The following MRM3 variants were observed in gnomAD, a reference collection of about 807,000 sequenced individuals.
MRM3 encodes the protein rRNA methyltransferase 3, mitochondrial.
A neutral mutation model predicts 29.4 loss-of-function variants in MRM3; 26 were observed. The observed-to-expected ratio is 0.89, with a 90% CI of 0.65 to 1.23. The LOEUF (loss-of-function observed/expected upper bound fraction) is 1.23, where lower values mean the gene tolerates loss of function less well. Among genes scored for constraint, MRM3 ranks in the 50% most tolerant of loss-of-function variants. The probability of loss-of-function intolerance (pLI) is 0.00; values close to 1 mark genes in which losing one functional copy is unlikely to be tolerated. For missense variants in MRM3, 578 were observed against 540.2 expected (o/e 1.07, Z -0.69); for synonymous variants, 225 against 219.0 (o/e 1.03, Z -0.24).
At chr17:783,004 A>G in intron 1 of MRM3, 79 bp from the exon 2 acceptor site, 1 of 1,524,200 alleles carries the variant, frequency 6.6e-7, no homozygotes, top group East Asian at 2.3e-5. Flanking sequence ...GTAGCTCTTT[A>G]TTTCTGTTAC....
In MRM3 at chr17:787,381, A is replaced by G. The variant is rs1319519681; in HGVS notation, c.560-584A>G. ...TAATACAGAGTATGACACGGAATGTAAAACACATTTACATATGGACAGGTG... is the reference window on the plus strand; with the variant it reads ...TAATACAGAGTATGACACGGAATGTGAAACACATTTACATATGGACAGGTG... On this transcript the variant is annotated intron_variant, in intron 2 of 3. Coordinates refer to ENST00000304478, the MANE Select transcript of MRM3 (RefSeq NM_018146.4). This position sits in a 1 kb window ranked among gnomAD's most constrained non-coding sequence, Gnocchi z 4.1. 2.0e-5 allele frequency among the ~76,000 whole-genome samples: 3 copies of G among 152,258 alleles called. No individual in the cohort carries two copies. Among genetic ancestry groups the G allele is most frequent in the Non-Finnish European group, 4.4e-5 (3 of 68,046 alleles).
At chr17:783,381 G>C in intron 2 of MRM3, 54 bp downstream of exon 2, 1 of 1,515,914 alleles carries the variant, frequency 6.6e-7, no homozygotes, top group Non-Finnish European at 8.8e-7. Flanking sequence ...CTGTCACCCA[G>C]GCTGGAGTGC....
At chr17:782,812 C>T in intron 1 of MRM3, 120 bp downstream of exon 1, 7 of 1,076,034 alleles carry the variant, frequency 6.5e-6, no homozygotes, top group Non-Finnish European at 9.1e-6. Flanking sequence ...TTGTATTATG[C>T]ACAGAGGGCC....
At position 782,692 on chromosome 17, in the gene MRM3, GGTGAT is replaced by G; in HGVS notation, c.314+4_314+8del. On this transcript the variant is annotated splice_donor_variant and splice_donor_5th_base_variant and intron_variant, in intron 1 of 3. Coordinates refer to ENST00000304478, the MANE Select transcript of MRM3 (RefSeq NM_018146.4). LOFTEE classifies it high-confidence loss of function. ...GCTTATCCCGGGGACAGGAGGCTGA[GGTGAT>G]GTGGTTCTTGAGCCTGTCGAATGTT... 6.3e-7 allele frequency: 1 copy of G among 1,596,192 alleles called. No homozygotes were observed. Among genetic ancestry groups the G allele is most frequent in the African/African-American group, 1.3e-5 (1 of 74,648 alleles).
At chr17:788,888 A>G (rs551819303) in intron 3 of MRM3, among the ~76,000 whole-genome samples, 38 of 152,354 alleles carry the variant, frequency 2.5e-4, no homozygotes, top group Non-Finnish European at 2.2e-4. Flanking sequence ...GAATAACAGA[A>G]TCTCCCTGGT....
In MRM3 at chr17:791,909, A is replaced by C; in HGVS notation, c.1103A>C (p.Gln368Pro). Residue 368 changes from glutamine (Q) to proline (P), a missense_variant, in exon 4 of 4, where the codon CAG (glutamine) becomes CCG (proline). Gln to Pro is a moderately conservative substitution (Grantham distance 76). Transcript: ENST00000304478. Reference sequence around the variant, plus strand: ...TACGGCGTGAGCCTGGAGTCCCTGCAGCTGGCCGAGAGCACTGGTGGCAAG... The same window carrying C: ...TACGGCGTGAGCCTGGAGTCCCTGCCGCTGGCCGAGAGCACTGGTGGCAAG... ...ETYGVSLESL[Q>P]LAESTGGKRL... The C allele has an allele frequency of 6.2e-7, 1 of 1,613,948 alleles. No individual in the cohort carries two copies. Among genetic ancestry groups the C allele is most frequent in the Non-Finnish European group, 8.5e-7 (1 of 1,180,026 alleles).
Position 783,265 on chromosome 17 carries a change from T to G in MRM3, c.497T>G (p.Ile166Ser), listed in dbSNP as rs1436496994. 1.2e-6 allele frequency: 2 copies of G among 1,613,942 alleles called. No homozygotes were observed. Among genetic ancestry groups the G allele is most frequent in the East Asian group, 4.5e-5 (2 of 44,896 alleles). Reference protein sequence around the residue: ...PVDKLKGVSLIKVKFEDIKDW... With the variant: ...PVDKLKGVSLSKVKFEDIKDW... ...GATAAGCTGAAAGGTGTCAGCCTCA[T>G]TAAGGTGAAATTTGAGGATATCAAG... Residue 166 changes from isoleucine (I) to serine (S), a missense_variant, in exon 2 of 4, where the codon ATT becomes AGT. Transcript: ENST00000304478.
chr17:789,554 A>C (rs1436629511), intron 3 of MRM3, among the ~76,000 whole-genome samples: 1 of 152,162 alleles, frequency 6.6e-6, no homozygotes, highest in South Asian at 2.1e-4. Flanking sequence ...CATTCATCAG[A>C]AACACCCCAG....
intron 2 of MRM3, 53 bp downstream of exon 2, chr17:783,380 A>G: frequency 6.6e-7 from 1 of 1,512,530 alleles, no homozygotes; most frequent in Non-Finnish European, 8.9e-7. Flanking sequence ...TCTGTCACCC[A>G]GGCTGGAGTG....
rs928984545 is a variant in MRM3 at position 787,808 on chromosome 17, C to T, written c.560-157C>T. ...AGGTGATCCACCCGCCTTGGCCTCCCGAAGTGTTGGGATTACAGGCATGAG... is the reference window on the plus strand; with the variant it reads ...AGGTGATCCACCCGCCTTGGCCTCCTGAAGTGTTGGGATTACAGGCATGAG... On this transcript the variant is annotated intron_variant, in intron 2 of 3. Coordinates refer to ENST00000304478, the MANE Select transcript of MRM3 (RefSeq NM_018146.4). This position sits in a 1 kb window ranked among gnomAD's most constrained non-coding sequence, Gnocchi z 4.1. Among the ~76,000 whole-genome samples the T allele has an allele frequency of 6.6e-6, 1 of 152,164 alleles. No individual in the cohort carries two copies. The highest frequency in any genetic ancestry group is 2.4e-5 in the African/African-American group (1 of 41,432).
chr17:791,141 C>T (rs891748303), intron 3 of MRM3, among the ~76,000 whole-genome samples: 2 of 152,158 alleles, frequency 1.3e-5, no homozygotes. Context: ...TTCCTCATCG[C>T]CCTGCTTTGT....
At chr17:784,108 C>T (rs1910417476) in intron 2 of MRM3, among the ~76,000 whole-genome samples, 1 of 152,204 alleles carries the variant, frequency 6.6e-6, no homozygotes, top group Non-Finnish European at 1.5e-5. Flanking sequence ...TCTGACTTAA[C>T]CTTATGTAAC....
chr17:788,482 T>C (rs1480583861), intron 3 of MRM3, among the ~76,000 whole-genome samples: 10 of 151,306 alleles, frequency 6.6e-5, no homozygotes, highest in Non-Finnish European at 1.3e-4. Context: ...CTTTTTTTTT[T>C]TTTTTTTTTT....
At chr17:784,769 T>C (rs1910452329) in intron 2 of MRM3, among the ~76,000 whole-genome samples, 1 of 152,150 alleles carries the variant, frequency 6.6e-6, no homozygotes, top group Middle Eastern at 3.2e-3. Flanking sequence ...CTCCGTATAG[T>C]GGGTTCTCAT....
rs1910576395 is a variant in MRM3, at chr17:787,248, T to C, written c.560-717T>C. Among the ~76,000 whole-genome samples the C allele has an allele frequency of 6.6e-6, 1 of 151,492 alleles. No homozygotes were observed. Among genetic ancestry groups the C allele is most frequent in the Non-Finnish European group, 1.5e-5 (1 of 67,908 alleles). ...GCAACAGAGTGAGAGAGTGGGACTC[T>C]GTCTCAAAAAAAAATAGCCTACAGC... On this transcript the variant is annotated intron_variant, in intron 2 of 3. Coordinates refer to ENST00000304478, the MANE Select transcript of MRM3 (RefSeq NM_018146.4). This position sits in a 1 kb window ranked among gnomAD's most constrained non-coding sequence, Gnocchi z 4.1.
At chr17:791,265 C>A (rs1043821069) in intron 3 of MRM3, among the ~76,000 whole-genome samples, 3 of 152,122 alleles carry the variant, frequency 2.0e-5, no homozygotes, top group Admixed American at 6.5e-5. Context: ...TGGGGACTTT[C>A]ATTATCTTTG....
intron 3 of MRM3, 135 bp downstream of exon 3, chr17:788,267 A>G: frequency 1.2e-6 from 1 of 804,954 alleles, no homozygotes; most frequent in Non-Finnish European, 1.9e-6. Flanking sequence ...ATCTCTACAA[A>G]AAAAACTACA....
chr17:791,704 A>G lies in MRM3; in HGVS notation c.898A>G (p.Asn300Asp), dbSNP rs373102731. The change falls in exon 4 of 4, where the codon AAT becomes GAT. Residue 300 changes from asparagine to aspartate, a missense_variant. Coordinates refer to ENST00000304478, the MANE Select transcript of MRM3 (RefSeq NM_018146.4). Reference sequence around the variant, plus strand: ...CCTTTATGCCCAGGCTGAGATGTCTAATAAAGCTAGTGACCATGGCTGGGT... The same window carrying G: ...CCTTTATGCCCAGGCTGAGATGTCTGATAAAGCTAGTGACCATGGCTGGGT... ...CGLYAQAEMS[N>D]KASDHGWVCD... 1.9e-6 allele frequency: 3 copies of G among 1,614,226 alleles called. No individual in the cohort carries two copies. Among genetic ancestry groups the G allele is most frequent in the Non-Finnish European group, 2.5e-6 (3 of 1,180,052 alleles).
chr17:784,034 C>T (rs1222692364), intron 2 of MRM3, among the ~76,000 whole-genome samples: 1 of 152,236 alleles, frequency 6.6e-6, no homozygotes, highest in Admixed American at 6.5e-5. Context: ...CCACAATTTA[C>T]TGCCCCGTTT....
Sources: gnomAD v4.1 joint callset for allele counts (sites outside exome capture counted in the v4.1 genomes callset) on GRCh38, gnomAD v4.1.1 for gene constraint, Gnocchi (gnomAD v3.1) non-coding constraint, MANE v1.5 for transcripts, NCBI Gene and HGNC (gene_info 2026-07-23, HGNC 2026-07-21) for gene names.